Variants in PALM2AKAP2 observed in about 807,000 individuals in gnomAD.
PALM2AKAP2 encodes the protein PALM2-AKAP2 fusion protein.
PALM2AKAP2 carries 37 observed loss-of-function variants against 71.5 expected under a neutral mutation model. The observed-to-expected ratio is 0.52, with a 90% CI of 0.40 to 0.68. The LOEUF is 0.68. Among genes scored for constraint, PALM2AKAP2 ranks in the 30% least tolerant of loss-of-function variants. The pLI is 0.00. For synonymous variants in PALM2AKAP2, 468 were observed against 478.8 expected, an observed-to-expected ratio of 0.98 and a Z score of 0.29; for missense variants, 1,224 against 1,191.8, an observed-to-expected ratio of 1.03 and a Z score of -0.40.
At chr9:109,984,821 A>G (rs963692618) in intron 6 of PALM2AKAP2, among the ~76,000 whole-genome samples, 9 of 151,872 alleles carry the variant, frequency 5.9e-5, no homozygotes, top group African/African-American at 2.2e-4. Flanking sequence ...ACAAAGCACT[A>G]TGATCGTGCC....
intron 3 of PALM2AKAP2, among the ~76,000 whole-genome samples, chr9:109,917,144 G>A (rs1158069796): frequency 6.6e-6 from 1 of 152,196 alleles, no homozygotes; most frequent in Non-Finnish European, 1.5e-5. Context: ...AGGTCAGAGA[G>A]ATGCAACAGT....
intron 1 of PALM2AKAP2, among the ~76,000 whole-genome samples, chr9:109,830,828 G>T (rs941423819): frequency 3.3e-5 from 5 of 152,206 alleles, no homozygotes; most frequent in Non-Finnish European, 4.4e-5. Flanking sequence ...GCTACTGAAG[G>T]TCACGCAGTC....
intron 1 of PALM2AKAP2, among the ~76,000 whole-genome samples, chr9:109,738,347 T>G (rs1564130259): frequency 6.6e-6 from 1 of 152,168 alleles, no homozygotes; most frequent in Non-Finnish European, 1.5e-5. Context: ...TGTGCTCTTT[T>G]TGAAGAATGA....
At chr9:110,111,559 A>G (rs1003351374) in intron 1 of PALM2AKAP2, among the ~76,000 whole-genome samples, 11 of 152,208 alleles carry the variant, frequency 7.2e-5, no homozygotes, top group Non-Finnish European at 1.5e-4. Context: ...TTGCAGATAA[A>G]GTCTTTGCCT....
rs1830819582 is a variant in PALM2AKAP2 at position 109,921,106 on chromosome 9, G to A, written c.258-2629G>A. Among the ~76,000 whole-genome samples the A allele has an allele frequency of 2.0e-5, 3 of 152,210 alleles. No individual in the cohort carries two copies. The South Asian group carries it at 6.2e-4, about 32-fold the overall frequency. Reference sequence around the variant, plus strand: ...CCCCCTCTCCATAAATTCTCTTTGCGTCTCGCCCACACACAGCCTCTCAAG... The same window carrying A: ...CCCCCTCTCCATAAATTCTCTTTGCATCTCGCCCACACACAGCCTCTCAAG... On this transcript the variant is annotated intron_variant, in intron 3 of 9. Transcript: ENST00000302798.
At chr9:109,648,422 A>C (rs565186529) in intron 1 of PALM2AKAP2, among the ~76,000 whole-genome samples, 104 of 152,340 alleles carry the variant, frequency 6.8e-4, no homozygotes, top group African/African-American at 2.4e-3. Context: ...CCAAGCACTG[A>C]GAATACAGCA....
chr9:109,657,596 G>C (rs901870070), intron 1 of PALM2AKAP2, among the ~76,000 whole-genome samples: 1 of 152,046 alleles, frequency 6.6e-6, no homozygotes, highest in Non-Finnish European at 1.5e-5. Flanking sequence ...TACCCATACT[G>C]TGTAAACACA....
In PALM2AKAP2 at chr9:109,640,795, C is replaced by T. The variant is rs566120013; in HGVS notation, c.-67C>T. Reference sequence around the variant, plus strand: ...TCGCGCGCGGCGCGGCCAGTGCACTCGGCTCCGGGAGAGGCGAGCAGCGCC... The same window carrying T: ...TCGCGCGCGGCGCGGCCAGTGCACTTGGCTCCGGGAGAGGCGAGCAGCGCC... On this transcript the variant is annotated 5_prime_UTR_variant, in exon 1 of 7. Coordinates refer to the PALM2AKAP2 transcript ENST00000374531. The T allele has an allele frequency of 3.9e-4, 577 of 1,494,234 alleles. 2 individuals are homozygous for T. Among genetic ancestry groups the T allele is most frequent in the Admixed American group, 4.6e-4 (21 of 45,706 alleles). The allele number at this position is 1,494,234 out of a possible 1,614,324, so 92.6% of individuals were successfully genotyped here. A position where few individuals can be genotyped will look rare whatever the true frequency, so the allele number is the denominator to read the frequency against.
chr9:110,064,218 A>G (rs1834024559), intron 1 of PALM2AKAP2, among the ~76,000 whole-genome samples: 1 of 152,188 alleles, frequency 6.6e-6, no homozygotes, highest in Non-Finnish European at 1.5e-5. Flanking sequence ...CCTAAGGAGG[A>G]GGAGGAAGGA....
intron 1 of PALM2AKAP2, among the ~76,000 whole-genome samples, chr9:109,711,484 T>C (rs1259276221): frequency 6.6e-6 from 1 of 152,232 alleles, no homozygotes; most frequent in Non-Finnish European, 1.5e-5. Context: ...AGATATTTGG[T>C]AGATAAAGTG....
chr9:110,051,717 G>A (rs562443425), intron 1 of PALM2AKAP2, among the ~76,000 whole-genome samples: 16 of 152,148 alleles, frequency 1.1e-4, no homozygotes, highest in Non-Finnish European at 1.9e-4. Context: ...ATGACTCAAC[G>A]CCAGTAGAAT....
intron 7 of PALM2AKAP2, among the ~76,000 whole-genome samples, chr9:110,021,077 G>A (rs1441078442): frequency 1.3e-5 from 2 of 152,338 alleles, no homozygotes; most frequent in Admixed American, 1.3e-4. Flanking sequence ...CTGCACTCCA[G>A]CCTGGGTGAC....
chr9:109,999,850 C>A (rs529684490), intron 6 of PALM2AKAP2, among the ~76,000 whole-genome samples: 44 of 152,118 alleles, frequency 2.9e-4, no homozygotes, highest in African/African-American at 9.6e-4. Flanking sequence ...TAAGACACCA[C>A]CAAGGAGGAG....
intron 1 of PALM2AKAP2, among the ~76,000 whole-genome samples, chr9:109,741,602 C>T (rs1163980653): frequency 6.6e-6 from 1 of 152,150 alleles, no homozygotes; most frequent in Non-Finnish European, 1.5e-5. Flanking sequence ...TCCATTGTTC[C>T]ACATGTTCAC....
chr9:109,716,459 A>G lies in PALM2AKAP2; in HGVS notation c.6-64029A>G, dbSNP rs570856967. ...CCAGTTACAAGTGAATTTCCAATAA[A>G]CAGCAGTATAAATGTCAAGTATCAC... On this transcript the variant is annotated intron_variant, in intron 1 of 6. Transcript: ENST00000374531. Among the ~76,000 whole-genome samples the G allele has an allele frequency of 5.6e-4, 85 of 152,296 alleles. No individual in the cohort carries two copies. In the South Asian group the frequency reaches 0.013, roughly 23 times the overall value.
chr9:109,653,523 G>C (rs1367693514), intron 1 of PALM2AKAP2, among the ~76,000 whole-genome samples: 2 of 152,128 alleles, frequency 1.3e-5, no homozygotes, highest in Non-Finnish European at 2.9e-5. Flanking sequence ...TGAGCGGGAG[G>C]TGCAGCATTT....
At position 110,168,323 on chromosome 9, in the gene PALM2AKAP2, A is replaced by C. The variant is rs950023249; in HGVS notation, c.2749-76A>C. The C allele has an allele frequency of 2.0e-6, 3 of 1,537,894 alleles. No individual in the cohort carries two copies. In the Admixed American group the frequency reaches 5.9e-5, roughly 30 times the overall value. ...TCAAGTTGATAAAGAGAAAGGAAGA[A>C]AGAAACAGAGAAGTCGGTTTATGTT... On this transcript the variant is annotated intron_variant, in intron 3 of 3. Coordinates refer to ENST00000374525, the Ensembl canonical transcript of PALM2AKAP2.
At chr9:110,011,014 A>AAATATATATATATATAT (rs35212981) in intron 6 of PALM2AKAP2, among the ~76,000 whole-genome samples, 2 of 69,588 alleles carry the variant, frequency 2.9e-5, no homozygotes, top group African/African-American at 1.6e-4. Context: ...AAAAAAAAAA[A>AAATATATATATATATAT]ATATATATAT....
At chr9:109,892,348 G>C (rs2131816664) in intron 3 of PALM2AKAP2, among the ~76,000 whole-genome samples, 1 of 152,092 alleles carries the variant, frequency 6.6e-6, no homozygotes, top group African/African-American at 2.4e-5. Context: ...CCCTATCATT[G>C]GATTTAGGGC....
Sources: gnomAD v4.1 joint callset for allele counts (sites outside exome capture counted in the v4.1 genomes callset) on GRCh38, gnomAD v4.1.1 for gene constraint, MANE v1.5 for transcripts, NCBI Gene and HGNC (gene_info 2026-07-23, HGNC 2026-07-21) for gene names.